MACROD2: variants seen among roughly 807,000 people sequenced by gnomAD.
The protein encoded by MACROD2 is ADP-ribose glycohydrolase MACROD2.
In MACROD2, 36 loss-of-function variants were observed where a neutral mutation model predicts 70.4. The observed-to-expected ratio is 0.51, with a 90% CI of 0.39 to 0.68. The LOEUF (loss-of-function observed/expected upper bound fraction) is 0.68, where lower values mean the gene tolerates loss of function less well. Ranked by LOEUF, MACROD2 falls within the 30% of genes least tolerant of loss-of-function variation. The pLI is 0.00. For missense variants in MACROD2, 496 were observed against 538.4 expected (o/e 0.92, Z 0.78); for synonymous variants, 172 against 178.8 (o/e 0.96, Z 0.30).
At chr20:14,215,069 TC>T (rs1259092506) in intron 3 of MACROD2, among the ~76,000 whole-genome samples, 5 of 1,156 alleles carry the variant, frequency 4.3e-3, no homozygotes, top group Admixed American at 0.034. Flanking sequence ...CCATCATATA[TC>T]TATTCCATCA....
chr20:14,096,364 CTTTT>C (rs71335950), intron 3 of MACROD2, among the ~76,000 whole-genome samples: 1 of 118,114 alleles, frequency 8.5e-6, no homozygotes. Context: ...GTTATTTTAC[CTTTT>C]TTTTTTTTTT....
intron 7 of MACROD2, among the ~76,000 whole-genome samples, chr20:15,498,684 C>T (rs546516617): frequency 3.6e-4 from 55 of 152,166 alleles, no homozygotes; most frequent in Non-Finnish European, 5.4e-4. Flanking sequence ...TGGGGAGTGA[C>T]CGTTAATGGG....
At chr20:14,915,166 T>C (rs964575673) in intron 5 of MACROD2, among the ~76,000 whole-genome samples, 14 of 152,208 alleles carry the variant, frequency 9.2e-5, no homozygotes, top group Non-Finnish European at 1.5e-4. Flanking sequence ...TTGTGTGTGA[T>C]TTGTAAATTT....
intron 7 of MACROD2, among the ~76,000 whole-genome samples, chr20:15,438,354 C>A (rs2046454251): frequency 6.6e-6 from 1 of 152,036 alleles, no homozygotes; most frequent in Non-Finnish European, 1.5e-5. Flanking sequence ...TATTTTTTGA[C>A]TTTTTAAGAA....
In MACROD2 at chr20:15,801,051, C is replaced by A. The variant is rs62194743; in HGVS notation, c.646-61694C>A. The stretch of plus-strand genomic sequence containing the variant: ...CAAGTACCCAGGGACACAAACACTG[C>A]GGAAGTCCGCAGGGTCCTCTGCCTA... On this transcript the variant is annotated intron_variant, in intron 8 of 17. Transcript: ENST00000684519. Among the ~76,000 whole-genome samples the A allele has an allele frequency of 5.3e-5, 8 of 149,710 alleles. 1 individual carries two copies. Among genetic ancestry groups the A allele is most frequent in the African/African-American group, 1.8e-4 (7 of 39,880 alleles).
intron 15 of MACROD2, among the ~76,000 whole-genome samples, chr20:16,028,783 G>A (rs1172735221): frequency 6.6e-6 from 1 of 152,160 alleles, no homozygotes; most frequent in Admixed American, 6.5e-5. Context: ...TCCAAGTGAC[G>A]AAGAGAGGTT....
chr20:15,219,156 C>A lies in MACROD2; in HGVS notation c.419-10784C>A, dbSNP rs8123388. ...ATGGAGTCGAAAGACATCACTGTTTCTTCAAACTTGAGGACAGATAAAATA... is the reference window on the plus strand; with the variant it reads ...ATGGAGTCGAAAGACATCACTGTTTATTCAAACTTGAGGACAGATAAAATA... On this transcript the variant is annotated intron_variant, in intron 5 of 17. Transcript: ENST00000684519. 6.9e-3 allele frequency among the ~76,000 whole-genome samples: 1,054 copies of A among 152,292 alleles called. 15 individuals carry two copies. The highest frequency in any genetic ancestry group is 0.024 in the African/African-American group (997 of 41,570).
chr20:14,182,488 C>A (rs1204681170), intron 3 of MACROD2, among the ~76,000 whole-genome samples: 1 of 152,060 alleles, frequency 6.6e-6, no homozygotes, highest in African/African-American at 2.4e-5. Flanking sequence ...TTGATGAAGT[C>A]CAATTTATCT....
chr20:14,085,641 T>G lies in MACROD2; in HGVS notation c.184T>G (p.Ser62Ala), dbSNP rs755757534. ...QNDEENTQET[S>A]QVKKSLTEKV... ...TACAGAAGAAAATACTCAGGAAACATCCCAGGTGAAGAAAAGTTTGACTGA... is the reference window on the plus strand; with the variant it reads ...TACAGAAGAAAATACTCAGGAAACAGCCCAGGTGAAGAAAAGTTTGACTGA... Residue 62 changes from serine to alanine, a missense_variant, in exon 3 of 18, where the codon TCC becomes GCC. By Grantham distance (99) the Ser-to-Ala change is moderately conservative (BLOSUM62 1). Coordinates refer to ENST00000684519, the MANE Select transcript of MACROD2 (RefSeq NM_001351661.2). 6.3e-7 allele frequency: 1 copy of G among 1,577,030 alleles called. No homozygotes were observed. The highest frequency in any genetic ancestry group is 1.8e-5 in the Admixed American group (1 of 57,008).
rs1350644257 is a variant in MACROD2, at chr20:15,810,390, T to C, written c.646-52355T>C. On this transcript the variant is annotated intron_variant, in intron 8 of 17. Coordinates refer to ENST00000684519, the MANE Select transcript of MACROD2 (RefSeq NM_001351661.2). ...TTTGGGTATATACCCAGTAATGGGA[T>C]GGCTGGGTCAAATGGTATTTCTAGT... is the stretch of plus-strand genomic sequence containing the variant. 4.0e-5 allele frequency among the ~76,000 whole-genome samples: 6 copies of C among 151,780 alleles called. 1 individual carries two copies. Among genetic ancestry groups the C allele is most frequent in the African/African-American group, 1.5e-4 (6 of 41,326 alleles).
At chr20:15,036,924 TA>T in intron 5 of MACROD2, among the ~76,000 whole-genome samples, 1 of 151,588 alleles carries the variant, frequency 6.6e-6, no homozygotes, top group Non-Finnish European at 1.5e-5. Flanking sequence ...GTTATATAAA[TA>T]ATGTAATCAA....
intron 2 of MACROD2, among the ~76,000 whole-genome samples, chr20:14,011,318 G>T (rs2052902298): frequency 6.6e-6 from 1 of 152,078 alleles, no homozygotes; most frequent in South Asian, 2.1e-4. Flanking sequence ...TTCCTTCAAG[G>T]TTTGGAGGTT....
chr20:15,576,963 G>A (rs1179563620), intron 8 of MACROD2, among the ~76,000 whole-genome samples: 1 of 152,044 alleles, frequency 6.6e-6, no homozygotes, highest in Non-Finnish European at 1.5e-5. Flanking sequence ...GATTTCGGTG[G>A]TATTCTGCCT....
At chr20:15,159,790 A>G (rs2076335326) in intron 5 of MACROD2, among the ~76,000 whole-genome samples, 3 of 151,850 alleles carry the variant, frequency 2.0e-5, no homozygotes, top group Admixed American at 6.6e-5. Context: ...ACACACAATA[A>G]AAATATGCAC....
intron 6 of MACROD2, among the ~76,000 whole-genome samples, chr20:15,317,655 G>A (rs1600234989): frequency 6.6e-6 from 1 of 152,062 alleles, no homozygotes. Context: ...GGCTTTTTGA[G>A]TCTGGCAGGC....
chr20:14,289,704 G>T (rs953290287), intron 3 of MACROD2, among the ~76,000 whole-genome samples: 3 of 152,010 alleles, frequency 2.0e-5, no homozygotes, highest in Non-Finnish European at 4.4e-5. Context: ...ACTATGCCTG[G>T]CTAATTTCTG....
intron 8 of MACROD2, among the ~76,000 whole-genome samples, chr20:15,836,834 A>G (rs1019508221): frequency 1.3e-5 from 2 of 152,174 alleles, no homozygotes; most frequent in African/African-American, 4.8e-5. Context: ...ATATGGGTCT[A>G]ATTGGGCAGA....
intron 7 of MACROD2, among the ~76,000 whole-genome samples, chr20:15,434,755 T>A (rs2046407097): frequency 6.6e-6 from 1 of 152,032 alleles, no homozygotes; most frequent in Non-Finnish European, 1.5e-5. Context: ...ATTGCAAAGA[T>A]ATGGAACCAA....
intron 3 of MACROD2, among the ~76,000 whole-genome samples, chr20:14,412,508 G>A (rs1304562534): frequency 6.6e-6 from 1 of 152,046 alleles, no homozygotes; most frequent in African/African-American, 2.4e-5. Context: ...TGACAGAGTT[G>A]AATTTCAGAA....
Sources: allele counts gnomAD v4.1 joint callset (sites outside exome capture counted in the v4.1 genomes callset), GRCh38; gene constraint gnomAD v4.1.1; transcripts MANE v1.5; gene names NCBI Gene and HGNC (gene_info 2026-07-23, HGNC 2026-07-21).